The following DPAGT1 variants were observed in gnomAD, a reference collection of about 807,000 sequenced individuals.
DPAGT1 encodes the protein dolichyl-phosphate N-acetylglucosaminephosphotransferase 1.
In DPAGT1, 25 loss-of-function variants were observed where a neutral mutation model predicts 39.3. The observed-to-expected ratio is 0.64, with a 90% CI of 0.46 to 0.89. The LOEUF is 0.89. DPAGT1 is among the 40% of genes least tolerant of loss of function. The pLI is 0.00. For missense variants in DPAGT1, 381 were observed against 500.6 expected, an observed-to-expected ratio of 0.76 and a Z score of 2.28; for synonymous variants, 193 against 201.4, an observed-to-expected ratio of 0.96 and a Z score of 0.36.
chr11:119,101,731 C>A lies in DPAGT1; in HGVS notation c.-76G>T, dbSNP rs1946515312. On this transcript the variant is annotated 5_prime_UTR_variant, in exon 1 of 9. Transcript: ENST00000354202. Reference sequence around the variant, plus strand: ...CTGAGCAGCAGTCCTGAGGCCTCAGCAGTATGGAGTGGCCGCTCCCCACAG... The same window carrying A: ...CTGAGCAGCAGTCCTGAGGCCTCAGAAGTATGGAGTGGCCGCTCCCCACAG... 87 of 1,608,988 alleles carry A rather than the reference C, an allele frequency of 5.4e-5. No individual in the cohort carries two copies. The East Asian group carries it at 1.9e-3, about 36-fold the overall frequency.
chr11:119,095,449 G>C, downstream of DPAGT1: 1 of 1,460,832 alleles, frequency 6.8e-7, no homozygotes, highest in Non-Finnish European at 9.0e-7. Context: ...ACAGACGCCC[G>C]CCGCAGTGTA....
In DPAGT1 at chr11:119,096,930, CAGAG is replaced by C; in HGVS notation, c.*64_*67del. The C allele has an allele frequency of 6.3e-7, 1 of 1,576,682 alleles. No homozygotes were observed. Among genetic ancestry groups the C allele is most frequent in the Non-Finnish European group, 8.7e-7 (1 of 1,150,486 alleles). On this transcript the variant is annotated 3_prime_UTR_variant, in exon 9 of 9. Coordinates refer to ENST00000354202, the MANE Select transcript of DPAGT1 (RefSeq NM_001382.4). ...CCTGGGCAAGGAGGCAGTCTGGGAC[CAGAG>C]AGAGAGGTCAGCCTGAGTCAGGAAT... is the stretch of plus-strand genomic sequence containing the variant.
intron 1 of DPAGT1, 90 bp downstream of exon 1, chr11:119,101,405 G>T (rs1946503482): frequency 6.2e-7 from 1 of 1,606,532 alleles, no homozygotes; most frequent in African/African-American, 1.3e-5. Flanking sequence ...GAGTCTTCAC[G>T]TGTGGTCAAG....
At position 119,096,968 on chromosome 11, in the gene DPAGT1, CTG is replaced by C. The variant is rs759197736; in HGVS notation, c.*28_*29del. 10 of 1,613,222 alleles carry C rather than the reference CTG, an allele frequency of 6.2e-6. No homozygotes were observed. Among genetic ancestry groups the C allele is most frequent in the South Asian group, 4.4e-5 (4 of 90,958 alleles). On this transcript the variant is annotated 3_prime_UTR_variant, in exon 9 of 9. Transcript: ENST00000354202. ...CAGCCTGAGTCAGGAATCCTAGAGA[CTG>C]TGAGGTAAAGGACAATGATCAAGGG... is the stretch of plus-strand genomic sequence containing the variant.
Position 119,096,844 on chromosome 11 carries a change from G to T in DPAGT1, c.*154C>A. On this transcript the variant is annotated 3_prime_UTR_variant, in exon 9 of 9. Coordinates refer to ENST00000354202, the MANE Select transcript of DPAGT1 (RefSeq NM_001382.4). ...GGCAAGAAACGCCCAGGATGCCAAT[G>T]ATCACAGAGAAAGGAAAATGCTGAG... 3 of 920,210 alleles carry T rather than the reference G, an allele frequency of 3.3e-6. No individual in the cohort carries two copies. The highest frequency in any genetic ancestry group is 5.1e-6 in the Non-Finnish European group (3 of 583,488). The allele number at this position is 920,210 out of a possible 1,614,324, so 57.0% of individuals were successfully genotyped here.
rs1318564579 is a variant in DPAGT1 at position 119,098,020 on chromosome 11, C to T, written c.752G>A (p.Gly251Glu). The T allele has an allele frequency of 6.2e-7, 1 of 1,614,192 alleles. No homozygotes were observed. The highest frequency in any genetic ancestry group is 8.5e-7 in the Non-Finnish European group (1 of 1,180,036). ...HNWYPSRVFVGDTFCYFAGMT... is the reference protein window; with the variant it reads ...HNWYPSRVFVEDTFCYFAGMT... ...GCCAGCAAAGTAACAGAAGGTATCT[C>T]CCACAAACACCCGTGATGGGTACCT... is the stretch of plus-strand genomic sequence containing the variant. The change falls in exon 6 of 9, where the codon GGA (glycine) becomes GAA (glutamate). Residue 251 changes from glycine to glutamate, a missense_variant. Transcript: ENST00000354202.
intron 4 of DPAGT1, among the ~76,000 whole-genome samples, chr11:119,099,082 A>G (rs1946448016): frequency 6.6e-6 from 1 of 152,136 alleles, no homozygotes; most frequent in Non-Finnish European, 1.5e-5. Flanking sequence ...ATTTTGGGAG[A>G]GGGTGAAAGA....
chr11:119,098,358 G>T, intron 5 of DPAGT1, 45 bp downstream of exon 5: 1 of 1,587,878 alleles, frequency 6.3e-7, no homozygotes, highest in Non-Finnish European at 8.6e-7. Flanking sequence ...GGCCATCTTT[G>T]CCATGTGTTC....
Position 119,101,647 on chromosome 11 carries a change from G to A in DPAGT1, c.9C>T (p.Ala3=). ...GCAGCGGCATGGGCAATTCCGAGAA[G>A]GCCCACATGGTGACCGGTCAGGGGC... The part of the protein sequence containing the change: MW[A]FSELPMPLLI... The change falls in exon 1 of 9, where the codon GCC becomes GCT. Residue 3 remains alanine, a synonymous_variant. Coordinates refer to ENST00000354202, the MANE Select transcript of DPAGT1 (RefSeq NM_001382.4). 1.2e-6 allele frequency: 2 copies of A among 1,614,278 alleles called. No homozygotes were observed. The highest frequency in any genetic ancestry group is 8.5e-7 in the Non-Finnish European group (1 of 1,180,048).
chr11:119,097,673 T>A lies in DPAGT1; in HGVS notation c.918-122A>T. 1 of 1,424,996 alleles carries A rather than the reference T, an allele frequency of 7.0e-7. No individual in the cohort carries two copies. Among genetic ancestry groups the A allele is most frequent in the Non-Finnish European group, 9.9e-7 (1 of 1,012,298 alleles). The allele number at this position is 1,424,996 out of a possible 1,614,324, so 88.3% of individuals were successfully genotyped here. On this transcript the variant is annotated intron_variant, in intron 6 of 8. Transcript: ENST00000354202. This position sits in a 1 kb window ranked among gnomAD's most constrained non-coding sequence, Gnocchi z 4.6. ...ATCTATTTCTGGCTCTGCTGCTTACTGTTATCAGAACCACTGTAGCAGATT... is the reference window on the plus strand; with the variant it reads ...ATCTATTTCTGGCTCTGCTGCTTACAGTTATCAGAACCACTGTAGCAGATT...
At chr11:119,094,707 T>C, downstream of DPAGT1, 1 of 386,632 alleles carries the variant, frequency 2.6e-6, no homozygotes. Flanking sequence ...GCCCGAACCC[T>C]ACCGGAGGGC....
At chr11:119,098,284 G>A (rs1038511065) in intron 5 of DPAGT1, 119 bp downstream of exon 5, 7 of 1,241,732 alleles carry the variant, frequency 5.6e-6, no homozygotes, top group Admixed American at 3.4e-5. Context: ...AACTGAAGAC[G>A]CAGAAAACTC....
In DPAGT1 at chr11:119,097,066, G is replaced by A. The variant is rs760852075; in HGVS notation, c.1162-3C>T. The stretch of plus-strand genomic sequence containing the variant: ...AAGGTGATGGCACTGCCCAGGATCT[G>A]CAAGGAGAAATGGACTGGAGTAAGA... On this transcript the variant is annotated splice_region_variant and splice_polypyrimidine_tract_variant and intron_variant, in intron 8 of 8. Transcript: ENST00000354202. This position sits in a 1 kb window ranked among gnomAD's most constrained non-coding sequence, Gnocchi z 4.6. 1 of 1,614,218 alleles carries A rather than the reference G, an allele frequency of 6.2e-7. No homozygotes were observed. The highest frequency in any genetic ancestry group is 2.2e-5 in the East Asian group (1 of 44,880).
chr11:119,100,174 C>CT (rs1198887000), intron 4 of DPAGT1, 88 bp downstream of exon 4: 12 of 1,594,010 alleles, frequency 7.5e-6, no homozygotes, highest in Middle Eastern at 2.1e-4. Flanking sequence ...ATGCATATTG[C>CT]TTTTTTCCCC....
Position 119,097,564 on chromosome 11 carries a change from G to A in DPAGT1, c.918-13C>T. The A allele has an allele frequency of 1.2e-6, 2 of 1,614,112 alleles. No homozygotes were observed. The highest frequency in any genetic ancestry group is 1.7e-6 in the Non-Finnish European group (2 of 1,179,958). On this transcript the variant is annotated splice_polypyrimidine_tract_variant and intron_variant, in intron 6 of 8. Transcript: ENST00000354202. The surrounding 1 kb of genome is among the most constrained non-coding windows in gnomAD (Gnocchi z 4.6). ...CTTGATATTGAGTCTGCGGGGGGAA[G>A]ATAGCTTCATGTGACTGGGCCACTA...
At chr11:119,101,265 G>T in intron 1 of DPAGT1, 127 bp from the exon 2 acceptor site, 2 of 1,420,580 alleles carry the variant, frequency 1.4e-6, no homozygotes, top group South Asian at 1.2e-5. Flanking sequence ...AAGTGGTGAG[G>T]GGGGCGGAGG....
chr11:119,095,433 A>G (rs779864413), downstream of DPAGT1: 7 of 1,461,212 alleles, frequency 4.8e-6, no homozygotes, highest in African/African-American at 2.9e-5. Flanking sequence ...CGGCTCAAAC[A>G]CTAGAACAGA....
chr11:119,099,780 CAA>C lies in DPAGT1; in HGVS notation c.643+480_643+481del, dbSNP rs57486910. Among the ~76,000 whole-genome samples the C allele has an allele frequency of 4.9e-3, 368 of 75,736 alleles. 1 individual carries two copies. The highest frequency in any genetic ancestry group is 0.02 in the African/African-American group (300 of 15,092). The allele number at this position is 75,736 out of a possible 152,430, so 49.7% of individuals were successfully genotyped here. ...TGCATGACAGAGGGAGACCCTGTCT[CAA>C]AAAAAAAAAAAAAAAAAAAAAAAAG... On this transcript the variant is annotated intron_variant, in intron 4 of 8. Transcript: ENST00000354202.
intron 4 of DPAGT1, among the ~76,000 whole-genome samples, chr11:119,099,563 C>A (rs139630476): frequency 6.6e-6 from 1 of 151,734 alleles, no homozygotes; most frequent in East Asian, 1.9e-4. Context: ...GGAGGCCTGG[C>A]AGATCACTTG....
Sources: allele counts gnomAD v4.1 joint callset (sites outside exome capture counted in the v4.1 genomes callset), GRCh38; gene constraint gnomAD v4.1.1; non-coding constraint Gnocchi (gnomAD v3.1); transcripts MANE v1.5; gene names NCBI Gene and HGNC (gene_info 2026-07-23, HGNC 2026-07-21).